Variants in TENM2 observed in about 807,000 individuals in gnomAD.
TENM2 encodes the protein teneurin transmembrane protein 2.
Under a neutral mutation model 245.2 loss-of-function variants are expected in TENM2, and 52 were observed. The ratio of observed to expected loss-of-function variants is 0.21; its 90% confidence interval spans 0.17 to 0.27. The LOEUF is 0.27. Among genes scored for constraint, TENM2 ranks in the 10% least tolerant of loss-of-function variants. The pLI, the probability that TENM2 is intolerant of heterozygous loss-of-function variation, is 1.00. For missense variants in TENM2, 3,046 were observed against 3,666.8 expected (o/e 0.83, Z 4.37); for synonymous variants, 1,363 against 1,438.9 (o/e 0.95, Z 1.19).
chr5:168,228,160 A>T (rs765258730), intron 25 of TENM2, 30 bp downstream of exon 27: 1 of 1,553,196 alleles, frequency 6.4e-7, no homozygotes, highest in Non-Finnish European at 8.9e-7. Context: ...CTGTTACCAC[A>T]GAGTGGGAGG....
intron 1 of TENM2, among the ~76,000 whole-genome samples, chr5:167,363,242 T>C (rs1168103475): frequency 6.6e-6 from 1 of 152,134 alleles, no homozygotes; most frequent in Non-Finnish European, 1.5e-5. Flanking sequence ...ACCTGAGGCT[T>C]AGAGCAACAA....
rs145743718 is a variant in TENM2 at position 168,163,489 on chromosome 5, G to A, written c.2569+732G>A. 4.5e-3 allele frequency among the ~76,000 whole-genome samples: 688 copies of A among 152,246 alleles called. 5 individuals are homozygous for A. The highest frequency in any genetic ancestry group is 0.016 in the African/African-American group (649 of 41,536). ...GTATAATTGACATATAAAAAGTTGC[G>A]TATATGGCCAGGCACAGTGGCTCAC... On this transcript the variant is annotated intron_variant, in intron 13 of 28. Coordinates refer to ENST00000518659, the Ensembl canonical transcript of TENM2.
At chr5:168,223,346 TCTGTTA>T (rs1482734520) in intron 23 of TENM2, among the ~76,000 whole-genome samples, 1 of 152,222 alleles carries the variant, frequency 6.6e-6, no homozygotes, top group African/African-American at 2.4e-5. Flanking sequence ...GGAGAAACTG[TCTGTTA>T]CTGAGTACCG....
At chr5:166,998,406 C>G in the TENM2 span, among the ~76,000 whole-genome samples, 1 of 152,098 alleles carries the variant, frequency 6.6e-6, no homozygotes, top group Non-Finnish European at 1.5e-5. Flanking sequence ...ATCATCTTCC[C>G]TCCAATGTTA....
intron 2 of TENM2, among the ~76,000 whole-genome samples, chr5:167,827,972 C>G (rs558280911): frequency 6.6e-6 from 1 of 152,318 alleles, no homozygotes; most frequent in Non-Finnish European, 1.5e-5. Context: ...ATGCCACACC[C>G]ACCTTGCAGT....
chr5:167,142,378 C>T, the TENM2 span, among the ~76,000 whole-genome samples: 3 of 152,090 alleles, frequency 2.0e-5, no homozygotes, highest in Non-Finnish European at 4.4e-5. Context: ...CATTGAGTCT[C>T]ATCATCCACT....
At chr5:167,176,361 G>A in the TENM2 span, among the ~76,000 whole-genome samples, 1 of 152,142 alleles carries the variant, frequency 6.6e-6, no homozygotes, top group Non-Finnish European at 1.5e-5. Context: ...CAGCCAGCTA[G>A]GGCTAAGCTC....
intron 2 of TENM2, among the ~76,000 whole-genome samples, chr5:167,687,890 A>G (rs1243319419): frequency 1.3e-5 from 2 of 152,232 alleles, no homozygotes; most frequent in East Asian, 3.8e-4. Context: ...CCATTTAGCA[A>G]GAATCACTAT....
At chr5:167,670,003 C>T (rs1012088660) in intron 2 of TENM2, among the ~76,000 whole-genome samples, 1 of 152,002 alleles carries the variant, frequency 6.6e-6, no homozygotes, top group African/African-American at 2.4e-5. Flanking sequence ...GGTTTAGCTC[C>T]CTGCATGTGT....
chr5:167,530,009 T>C (rs1247355114), intron 2 of TENM2, among the ~76,000 whole-genome samples: 1 of 152,168 alleles, frequency 6.6e-6, no homozygotes, highest in African/African-American at 2.4e-5. Flanking sequence ...TTGACCATTT[T>C]TGTGAGAAAA....
chr5:168,202,895 T>C (rs1762051105), intron 17 of TENM2, among the ~76,000 whole-genome samples: 1 of 152,180 alleles, frequency 6.6e-6, no homozygotes, highest in Admixed American at 6.5e-5. Flanking sequence ...ATGTATGGCA[T>C]CTCAGCACTT....
At chr5:167,578,762 A>G (rs188253905) in intron 2 of TENM2, among the ~76,000 whole-genome samples, 153 of 152,302 alleles carry the variant, frequency 1.0e-3, no homozygotes, top group Middle Eastern at 6.8e-3. Flanking sequence ...ATAAACCTTG[A>G]CTAACTTACC....
chr5:167,476,663 G>C (rs965873804), intron 2 of TENM2, among the ~76,000 whole-genome samples: 2 of 152,184 alleles, frequency 1.3e-5, no homozygotes, highest in African/African-American at 4.8e-5. Flanking sequence ...CAATGGCATG[G>C]TCTTGGCTCA....
At chr5:167,807,155 A>C (rs1766257693) in intron 2 of TENM2, among the ~76,000 whole-genome samples, 2 of 138,404 alleles carry the variant, frequency 1.4e-5, no homozygotes, top group African/African-American at 5.4e-5. Context: ...AAAAAAAAAA[A>C]AGAAGAAGAA....
At chr5:167,909,060 T>C (rs893196291) in intron 3 of TENM2, among the ~76,000 whole-genome samples, 5 of 148,730 alleles carry the variant, frequency 3.4e-5, no homozygotes, top group African/African-American at 1.2e-4. Flanking sequence ...TCGTTTTCTT[T>C]TCTCTCTCTT....
intron 2 of TENM2, among the ~76,000 whole-genome samples, chr5:167,693,771 T>C (rs1044982659): frequency 2.6e-5 from 4 of 152,136 alleles, no homozygotes; most frequent in African/African-American, 9.7e-5. Flanking sequence ...TGTACATAGA[T>C]CTTAATGCTG....
At chr5:167,956,113 T>C (rs1780537267) in intron 4 of TENM2, among the ~76,000 whole-genome samples, 1 of 152,176 alleles carries the variant, frequency 6.6e-6, no homozygotes, top group African/African-American at 2.4e-5. Flanking sequence ...GCATGGAATG[T>C]TTTTCCATTT....
intron 2 of TENM2, among the ~76,000 whole-genome samples, chr5:167,610,807 G>A (rs943968082): frequency 8.5e-5 from 13 of 152,090 alleles, no homozygotes; most frequent in African/African-American, 3.1e-4. Context: ...CTTTTCAGGG[G>A]AAAATATATG....
At chr5:168,253,715 G>A (rs908292884) in intron 27 of TENM2, among the ~76,000 whole-genome samples, 11 of 152,088 alleles carry the variant, frequency 7.2e-5, no homozygotes, top group Non-Finnish European at 7.4e-5. Context: ...GTGAGCCACC[G>A]CGCCTGGCTA....
Sources: gnomAD v4.1 joint callset for allele counts (sites outside exome capture counted in the v4.1 genomes callset) on GRCh38, gnomAD v4.1.1 for gene constraint, MANE v1.5 for transcripts, NCBI Gene and HGNC (gene_info 2026-07-23, HGNC 2026-07-21) for gene names.